The following NXPE1 variants were observed in gnomAD, a reference collection of about 807,000 sequenced individuals.
NXPE1 encodes NXPE family member 1.
Under a neutral mutation model 33.3 loss-of-function variants are expected in NXPE1, and 31 were observed. The ratio of observed to expected loss-of-function variants is 0.93; its 90% CI spans 0.70 to 1.26. The LOEUF (loss-of-function observed/expected upper bound fraction) is 1.26, where lower values mean the gene tolerates loss of function less well. Among genes scored for constraint, NXPE1 ranks in the 50% most tolerant of loss-of-function variants. NXPE1 has a pLI of 0.00. For synonymous variants in NXPE1, 229 were observed against 231.4 expected, an observed-to-expected ratio of 0.99 and a Z score of 0.09; for missense variants, 661 against 655.6, an observed-to-expected ratio of 1.01 and a Z score of -0.09.
At chr11:114,545,433 A>ATG (rs141461633) in intron 5 of NXPE1, among the ~76,000 whole-genome samples, 2,079 of 152,286 alleles carry the variant, frequency 0.014, 51 homozygotes, top group African/African-American at 0.048. Flanking sequence ...TGAATCTTAA[A>ATG]TGCATAATGC....
At chr11:114,527,662 T>A (rs745544048) in intron 7 of NXPE1, among the ~76,000 whole-genome samples, 178 bp downstream of exon 7, 2 of 152,198 alleles carry the variant, frequency 1.3e-5, no homozygotes, top group Non-Finnish European at 2.9e-5. Flanking sequence ...CAAGATGTAA[T>A]CTCCTATAAA....
At chr11:114,542,792 A>G (rs1053838054) in intron 5 of NXPE1, among the ~76,000 whole-genome samples, 1 of 152,224 alleles carries the variant, frequency 6.6e-6, no homozygotes, top group African/African-American at 2.4e-5. Flanking sequence ...AAACATAATC[A>G]TTAGAACAAA....
At chr11:114,535,782 C>G (rs1051704961) in intron 5 of NXPE1, among the ~76,000 whole-genome samples, 1 of 152,164 alleles carries the variant, frequency 6.6e-6, no homozygotes. Context: ...ATTCATAAAG[C>G]AAGTCCTTAG....
intron 8 of NXPE1, 76 bp downstream of exon 8, chr11:114,522,803 C>G (rs949644136): frequency 1.2e-5 from 12 of 1,039,676 alleles, no homozygotes; most frequent in Admixed American, 2.1e-5. Context: ...ATAGCTCAAA[C>G]GAGAGAATAG....
chr11:114,555,066 C>G (rs1208445831), intron 1 of NXPE1, among the ~76,000 whole-genome samples: 3 of 151,720 alleles, frequency 2.0e-5, no homozygotes, highest in Non-Finnish European at 4.4e-5. Context: ...GGCAGTCCAG[C>G]CTGTCTACAT....
At position 114,550,963 on chromosome 11, in the gene NXPE1, G is replaced by C. The variant is rs1948459907; in HGVS notation, c.99+140C>G. 5.1e-6 allele frequency: 3 copies of C among 586,182 alleles called. No homozygotes were observed. The South Asian group carries it at 6.6e-5, about 13-fold the overall frequency. The allele number at this position is 586,182 out of a possible 1,614,324, so 36.3% of individuals were successfully genotyped here. ...TTGGTGTCCACAATGCCTCTAAGGA[G>C]TTAGGTAGAGAGAGAGAAGATAGGG... On this transcript the variant is annotated intron_variant, in intron 5 of 8. Coordinates refer to ENST00000534921, the Ensembl canonical transcript of NXPE1.
intron 5 of NXPE1, among the ~76,000 whole-genome samples, chr11:114,539,732 A>T (rs1282639032): frequency 1.3e-5 from 2 of 152,224 alleles, no homozygotes; most frequent in Non-Finnish European, 2.9e-5. Flanking sequence ...AGTGTAAATT[A>T]TTGAAATAAA....
At chr11:114,542,159 AT>A (rs1237342567) in intron 5 of NXPE1, among the ~76,000 whole-genome samples, 2 of 152,108 alleles carry the variant, frequency 1.3e-5, no homozygotes, top group Non-Finnish European at 2.9e-5. Context: ...CTTTATCCTT[AT>A]TTATGTCTTT....
rs539594769 is a variant in NXPE1, at chr11:114,533,647, C to G, written c.100-2739G>C. 5.4e-3 allele frequency among the ~76,000 whole-genome samples: 830 copies of G among 152,362 alleles called. 6 individuals are homozygous for G. Among genetic ancestry groups the G allele is most frequent in the African/African-American group, 0.019 (794 of 41,576 alleles). ...CACACCAGGAGATTATATCCCGCAC[C>G]TGGCTCAGAGGGTCCTACGCCCACG... On this transcript the variant is annotated intron_variant, in intron 5 of 8. Coordinates refer to ENST00000534921, the Ensembl canonical transcript of NXPE1.
At chr11:114,528,938 A>C in intron 6 of NXPE1, 1 of 485,552 alleles carries the variant, frequency 2.1e-6, no homozygotes, top group Non-Finnish European at 3.8e-6. Context: ...CAGAGATAAA[A>C]GGGAGGGAAC....
intron 6 of NXPE1, chr11:114,529,201 G>C (rs1436086567): frequency 5.8e-6 from 1 of 172,992 alleles, no homozygotes; most frequent in Admixed American, 6.3e-5. Flanking sequence ...AATCTTCGTG[G>C]GGGAAAATAA....
At chr11:114,554,519 A>T (rs1235129297) in intron 1 of NXPE1, 21 of 301,024 alleles carry the variant, frequency 7.0e-5, no homozygotes, top group Non-Finnish European at 1.0e-4. Context: ...AGCCAATTAT[A>T]CTGAGGTATA....
intron 8 of NXPE1, 21 bp from the exon 9 acceptor site, chr11:114,522,524 T>A: frequency 6.5e-7 from 1 of 1,535,318 alleles, no homozygotes; most frequent in Non-Finnish European, 8.8e-7. Flanking sequence ...AACAAATAGA[T>A]GTTTTAAATA....
chr11:114,558,629 C>T (rs770173601), intron 1 of NXPE1, among the ~76,000 whole-genome samples: 1 of 152,016 alleles, frequency 6.6e-6, no homozygotes, highest in Admixed American at 6.6e-5. Flanking sequence ...GTATTACATT[C>T]GTATATTTTC....
intron 5 of NXPE1, among the ~76,000 whole-genome samples, chr11:114,538,008 C>T (rs1415902138): frequency 6.6e-6 from 1 of 151,914 alleles, no homozygotes; most frequent in African/African-American, 2.4e-5. Flanking sequence ...TGGAGGCATC[C>T]CGCTACCTGA....
chr11:114,536,140 C>G (rs970204646), intron 5 of NXPE1, among the ~76,000 whole-genome samples: 13 of 151,352 alleles, frequency 8.6e-5, no homozygotes, highest in African/African-American at 1.9e-4. Flanking sequence ...ACTCAAAACC[C>G]CTCAACTACA....
chr11:114,521,147 G>A (rs937728650), downstream of NXPE1, among the ~76,000 whole-genome samples: 1 of 151,642 alleles, frequency 6.6e-6, no homozygotes. Flanking sequence ...TATCTATTAG[G>A]GTTATTGATT....
chr11:114,558,014 T>C (rs1296989051), intron 1 of NXPE1, among the ~76,000 whole-genome samples: 1 of 152,050 alleles, frequency 6.6e-6, no homozygotes, highest in Non-Finnish European at 1.5e-5. Context: ...GCTTTCTCTC[T>C]AGAATCTAGA....
chr11:114,550,961 G>A (rs79413019), intron 5 of NXPE1, 142 bp downstream of exon 5: 1 of 582,224 alleles, frequency 1.7e-6, no homozygotes, highest in Non-Finnish European at 3.1e-6. Flanking sequence ...TGCCTCTAAG[G>A]AGTTAGGTAG....
Sources: allele counts gnomAD v4.1 joint callset (sites outside exome capture counted in the v4.1 genomes callset), GRCh38; gene constraint gnomAD v4.1.1; transcripts MANE v1.5; gene names NCBI Gene and HGNC (gene_info 2026-07-23, HGNC 2026-07-21).